CHST9: variants seen among roughly 807,000 people sequenced by gnomAD.
The protein encoded by CHST9 is carbohydrate sulfotransferase 9, also known as GalNAc-4-sulfotransferase 2.
In CHST9, 41 loss-of-function variants were observed where a neutral mutation model predicts 44.4. That is an observed-to-expected ratio of 0.92 (90% confidence interval 0.72 to 1.20). CHST9 has a LOEUF of 1.20. Ranked by LOEUF, CHST9 falls within the 50% of genes most tolerant of loss-of-function variation. CHST9 has a pLI of 0.00. For missense variants in CHST9, 504 were observed against 516.5 expected, an observed-to-expected ratio of 0.98 and a Z score of 0.23; for synonymous variants, 171 against 178.4, an observed-to-expected ratio of 0.96 and a Z score of 0.33.
chr18:27,110,959 G>C (rs2058265879), intron 2 of CHST9, among the ~76,000 whole-genome samples: 1 of 152,228 alleles, frequency 6.6e-6, no homozygotes, highest in Non-Finnish European at 1.5e-5. Flanking sequence ...TAACCCTCCA[G>C]TGATTTTGAT....
chr18:27,101,600 A>C (rs1048078484), intron 2 of CHST9, among the ~76,000 whole-genome samples: 4 of 151,510 alleles, frequency 2.6e-5, no homozygotes. Flanking sequence ...AAAGAGCGAG[A>C]CTCTGTCTCA....
chr18:27,027,632 G>C (rs1354083742), intron 3 of CHST9, among the ~76,000 whole-genome samples: 3 of 152,162 alleles, frequency 2.0e-5, no homozygotes, highest in Non-Finnish European at 4.4e-5. Context: ...ATGCTGCTGA[G>C]TGCGTTATGT....
intron 2 of CHST9, among the ~76,000 whole-genome samples, chr18:27,110,577 A>C (rs151331674): frequency 1.3e-4 from 20 of 152,312 alleles, no homozygotes; most frequent in South Asian, 6.2e-4. Context: ...TGGTCCAGCA[A>C]GGCCTCAGTT....
chr18:27,015,558 T>C (rs903601391), intron 4 of CHST9, among the ~76,000 whole-genome samples: 1 of 152,132 alleles, frequency 6.6e-6, no homozygotes, highest in Non-Finnish European at 1.5e-5. Flanking sequence ...CTGGCGACTC[T>C]GTGTGGAGGG....
chr18:27,064,573 T>C (rs2057760911), intron 2 of CHST9, among the ~76,000 whole-genome samples: 1 of 152,224 alleles, frequency 6.6e-6, no homozygotes, highest in Non-Finnish European at 1.5e-5. Flanking sequence ...ATTTAAAGAA[T>C]CATGGTGGGT....
intron 2 of CHST9, among the ~76,000 whole-genome samples, chr18:27,054,462 A>G (rs1028295125): frequency 2.6e-5 from 4 of 152,194 alleles, no homozygotes; most frequent in African/African-American, 9.6e-5. Context: ...AATTTGTAAG[A>G]TAAAACTTTT....
At chr18:27,076,417 A>G (rs2057904852) in intron 2 of CHST9, among the ~76,000 whole-genome samples, 1 of 152,176 alleles carries the variant, frequency 6.6e-6, no homozygotes, top group African/African-American at 2.4e-5. Flanking sequence ...GTTTCCACTT[A>G]AAACTTATTT....
intron 4 of CHST9, among the ~76,000 whole-genome samples, chr18:27,018,324 G>C (rs1173603310): frequency 6.6e-6 from 1 of 152,200 alleles, no homozygotes; most frequent in Non-Finnish European, 1.5e-5. Flanking sequence ...AGAATATTAT[G>C]TTCATGTAAT....
intron 5 of CHST9, among the ~76,000 whole-genome samples, chr18:26,926,032 T>C (rs184967428): frequency 1.4e-4 from 21 of 152,070 alleles, no homozygotes; most frequent in African/African-American, 5.1e-4. Flanking sequence ...TAAAATTAAG[T>C]GGAGGCAAAG....
intron 4 of CHST9, among the ~76,000 whole-genome samples, chr18:26,972,044 G>A (rs1785535): frequency 0.35 from 52,635 of 151,538 alleles, 9,649 homozygotes; most frequent in East Asian, 0.46. Flanking sequence ...GTGTGGAGGG[G>A]AATGGGGTTT....
chr18:27,112,873 G>A (rs2058284973), intron 2 of CHST9, among the ~76,000 whole-genome samples: 1 of 151,964 alleles, frequency 6.6e-6, no homozygotes, highest in Admixed American at 6.6e-5. Context: ...CTTCTTTCTG[G>A]CAATTTGCTG....
chr18:27,169,048 C>T (rs968445129), intron 1 of CHST9, among the ~76,000 whole-genome samples: 10 of 152,146 alleles, frequency 6.6e-5, no homozygotes, highest in Admixed American at 6.5e-4. Context: ...ACACAGAATT[C>T]TGCCCACAAG....
intron 1 of CHST9, among the ~76,000 whole-genome samples, chr18:27,145,232 C>T (rs528813028): frequency 1.3e-5 from 2 of 152,288 alleles, no homozygotes; most frequent in East Asian, 3.9e-4. Flanking sequence ...CACTCTGTCG[C>T]CCAGGCTGGA....
rs892398967 is a variant in CHST9, at chr18:26,908,664, C to T, written c.*7595G>A. Reference sequence around the variant, plus strand: ...AATGTGGTTAGAATTGGGTAGGTAGCAGCAGAACTGTTAGTGGACCCACAT... The same window carrying T: ...AATGTGGTTAGAATTGGGTAGGTAGTAGCAGAACTGTTAGTGGACCCACAT... On this transcript the variant is annotated 3_prime_UTR_variant, in exon 6 of 6. Transcript: ENST00000618847. The T allele has an allele frequency of 1.3e-5, 2 of 152,120 alleles. No individual in the cohort carries two copies. The highest frequency in any genetic ancestry group is 2.9e-5 in the Non-Finnish European group (2 of 68,018). The allele number at this position is 152,120 out of a possible 1,614,324, so 9.4% of individuals were successfully genotyped here.
chr18:27,035,278 T>A (rs1003672782), intron 3 of CHST9, among the ~76,000 whole-genome samples: 3 of 152,226 alleles, frequency 2.0e-5, no homozygotes, highest in Non-Finnish European at 2.9e-5. Flanking sequence ...TATTTTCATA[T>A]ACCTATTGGC....
chr18:27,172,429 TAGC>T (rs2058840265), intron 1 of CHST9, among the ~76,000 whole-genome samples: 1 of 151,984 alleles, frequency 6.6e-6, no homozygotes, highest in Non-Finnish European at 1.5e-5. Flanking sequence ...TAAATATGAG[TAGC>T]ATGGGAGTGG....
At chr18:27,116,452 C>T (rs1727055246) in intron 2 of CHST9, among the ~76,000 whole-genome samples, 1 of 152,274 alleles carries the variant, frequency 6.6e-6, no homozygotes, top group African/African-American at 2.4e-5. Flanking sequence ...TTTCTGAGCT[C>T]TCAATTCCAA....
intron 4 of CHST9, among the ~76,000 whole-genome samples, chr18:26,947,582 A>C (rs2145123506): frequency 6.6e-6 from 1 of 152,332 alleles, no homozygotes; most frequent in Admixed American, 6.5e-5. Context: ...CCCATCAAAA[A>C]GTGGGCAAAG....
chr18:27,016,387 T>C (rs1466960116), intron 4 of CHST9, among the ~76,000 whole-genome samples: 1 of 152,208 alleles, frequency 6.6e-6, no homozygotes, highest in Non-Finnish European at 1.5e-5. Flanking sequence ...AGTGCTCTTC[T>C]CCACTGGTTA....
Sources: gnomAD v4.1 joint callset for allele counts (sites outside exome capture counted in the v4.1 genomes callset) on GRCh38, gnomAD v4.1.1 for gene constraint, MANE v1.5 for transcripts, NCBI Gene and HGNC (gene_info 2026-07-23, HGNC 2026-07-21) for gene names.